The following ZNF106 variants were observed in gnomAD, a reference collection of about 807,000 sequenced individuals.
The protein encoded by ZNF106 is zinc finger protein 106.
In ZNF106, 67 loss-of-function variants were observed where a neutral mutation model predicts 195.1. The observed-to-expected ratio is 0.34, with a 90% CI of 0.28 to 0.42. The LOEUF (loss-of-function observed/expected upper bound fraction) is 0.42, where lower values mean the gene tolerates loss of function less well. Ranked by LOEUF, ZNF106 falls within the 10% of genes least tolerant of loss-of-function variation. The pLI is 1.00. For synonymous variants in ZNF106, 784 were observed against 818.6 expected, an observed-to-expected ratio of 0.96 and a Z score of 0.72; for missense variants, 2,118 against 2,304.5, an observed-to-expected ratio of 0.92 and a Z score of 1.66.
chr15:42,465,418 AC>A (rs1266536777), intron 3 of ZNF106, among the ~76,000 whole-genome samples: 2 of 152,056 alleles, frequency 1.3e-5, no homozygotes, highest in Non-Finnish European at 2.9e-5. Context: ...AGCTGGGACC[AC>A]AGGCTATTAG....
chr15:42,469,311 T>C (rs1235530507), intron 2 of ZNF106, among the ~76,000 whole-genome samples: 1 of 152,198 alleles, frequency 6.6e-6, no homozygotes, highest in Non-Finnish European at 1.5e-5. Context: ...TTCTGTTCCT[T>C]ACAACAAAAC....
intron 14 of ZNF106, among the ~76,000 whole-genome samples, chr15:42,428,587 G>A (rs952038953): frequency 1.3e-5 from 2 of 152,128 alleles, no homozygotes; most frequent in African/African-American, 4.8e-5. Context: ...CTTCAAACTG[G>A]TGCCAGGTTA....
At chr15:42,444,381 C>A in intron 8 of ZNF106, 119 bp from the exon 9 acceptor site, 1 of 710,080 alleles carries the variant, frequency 1.4e-6, no homozygotes, top group African/African-American at 1.8e-5. Flanking sequence ...CTCTGTGACC[C>A]AGCCAGCCGC....
chr15:42,486,336 T>C (rs556524208), intron 1 of ZNF106, among the ~76,000 whole-genome samples: 1 of 152,058 alleles, frequency 6.6e-6, no homozygotes, highest in East Asian at 1.9e-4. Flanking sequence ...CATAGCTCAC[T>C]GCAGCTTTGA....
intron 1 of ZNF106, among the ~76,000 whole-genome samples, chr15:42,478,126 A>C (rs2056823469): frequency 6.6e-6 from 1 of 151,842 alleles, no homozygotes; most frequent in Admixed American, 6.6e-5. Context: ...TCAGAATGTT[A>C]CATTTGTCAC....
At chr15:42,462,620 G>A (rs1391427224) in intron 3 of ZNF106, among the ~76,000 whole-genome samples, 3 of 152,064 alleles carry the variant, frequency 2.0e-5, no homozygotes, top group African/African-American at 4.8e-5. Context: ...AAATAAATAA[G>A]TACGTAAATA....
intron 9 of ZNF106, 25 bp downstream of exon 9, chr15:42,444,177 A>T: frequency 6.5e-7 from 1 of 1,535,084 alleles, no homozygotes; most frequent in Middle Eastern, 2.3e-4. Flanking sequence ...TAGAGGGCCC[A>T]ATCCATCAGA....
intron 5 of ZNF106, 123 bp from the exon 6 acceptor site, chr15:42,448,828 T>G (rs2055872399): frequency 4.3e-6 from 4 of 919,662 alleles, no homozygotes; most frequent in Non-Finnish European, 6.4e-6. Context: ...GCTCTTGCCT[T>G]CAAGGGGCTC....
intron 21 of ZNF106, 144 bp from the exon 22 acceptor site, chr15:42,417,504 CG>C: frequency 3.2e-6 from 3 of 929,872 alleles, no homozygotes; most frequent in Non-Finnish European, 1.6e-6. Context: ...TGCTAACTTA[CG>C]TGAAACCATG....
chr15:42,465,246 T>C (rs559853648), intron 3 of ZNF106, among the ~76,000 whole-genome samples: 2 of 151,430 alleles, frequency 1.3e-5, no homozygotes, highest in African/African-American at 4.8e-5. Flanking sequence ...TTTCCTTTCC[T>C]TAAACATCTC....
In ZNF106 at chr15:42,435,431, G is replaced by C. The variant is rs754884172; in HGVS notation, c.4834C>G (p.Leu1612Val). 3.1e-6 allele frequency: 5 copies of C among 1,614,168 alleles called. No individual in the cohort carries two copies. In the South Asian group the frequency reaches 5.5e-5, roughly 18 times the overall value. ...GTATGGTCACTGGACCCGGTGTAAA[G>C]GGCAGCATTCTTCCCGGAGGTCTGA... Reference protein sequence around the residue: ...VTQTSGKNAALYTGSSDHTIR... With the variant: ...VTQTSGKNAAVYTGSSDHTIR... The change falls in exon 14 of 22, where the codon CTT (leucine) becomes GTT (valine). Residue 1612 changes from leucine to valine, a missense_variant. Transcript: ENST00000564754.
chr15:42,450,110 C>T lies in ZNF106; in HGVS notation c.2162G>A (p.Ser721Asn). The T allele has an allele frequency of 6.2e-7, 1 of 1,614,204 alleles. No homozygotes were observed. Residue 721 changes from serine (S) to asparagine (N), a missense_variant, in exon 5 of 22, where the codon AGC becomes AAC. Ser to Asn is a conservative substitution (Grantham distance 46, BLOSUM62 1). Transcript: ENST00000564754. ...SYETEGFESA[S>N]LDAELQKSDI... ...ACTTTTTTGAAGCTCTGCATCCAAG[C>T]TAGCACTCTCAAAGCCTTCTGTTTC... is the stretch of plus-strand genomic sequence containing the variant.
intron 10 of ZNF106, 52 bp from the exon 11 acceptor site, chr15:42,439,865 T>G: frequency 6.8e-7 from 1 of 1,467,906 alleles, no homozygotes; most frequent in Non-Finnish European, 9.0e-7. Context: ...TTGCTGCAAT[T>G]TATCACTGAC....
intron 7 of ZNF106, 53 bp downstream of exon 7, chr15:42,446,535 CA>C: frequency 1.2e-5 from 17 of 1,466,294 alleles, no homozygotes; most frequent in South Asian, 6.1e-5. Flanking sequence ...CCGCACCCCC[CA>C]AAAAAAACCA....
Position 42,457,049 on chromosome 15 carries a change from T to G in ZNF106, c.226A>C (p.Arg76=). ...LHKDNVDAQE[R]EDDGKGEEEE... is the part of the protein sequence containing the mutation. ...TCCTCTCCTTTTCCATCATCTTCTC[T>G]TTCCTGGGCATCAACGTTATCTTTG... Residue 76 remains arginine (R), a synonymous_variant, in exon 4 of 22, where the codon AGA becomes CGA. Coordinates refer to ENST00000564754, the MANE Select transcript of ZNF106 (RefSeq NM_001366845.3). 1 of 1,611,026 alleles carries G rather than the reference T, an allele frequency of 6.2e-7. No individual in the cohort carries two copies. The highest frequency in any genetic ancestry group is 8.5e-7 in the Non-Finnish European group (1 of 1,178,292).
At chr15:42,432,894 AGT>A (rs1417769183) in intron 14 of ZNF106, among the ~76,000 whole-genome samples, 2 of 151,968 alleles carry the variant, frequency 1.3e-5, no homozygotes, top group East Asian at 3.9e-4. Flanking sequence ...CAAAAATAAA[AGT>A]GTGTCTCTTG....
intron 1 of ZNF106, among the ~76,000 whole-genome samples, chr15:42,486,410 C>G (rs1334793764): frequency 3.3e-5 from 5 of 152,100 alleles, no homozygotes; most frequent in Non-Finnish European, 4.4e-5. Context: ...CAGGTATACG[C>G]TACTATACTT....
intron 6 of ZNF106, 139 bp from the exon 7 acceptor site, chr15:42,446,797 A>C: frequency 1.3e-6 from 1 of 746,716 alleles, no homozygotes; most frequent in Non-Finnish European, 2.1e-6. Context: ...TAGAAGTCTC[A>C]CGCACGTGGT....
Position 42,450,758 on chromosome 15 carries a change from GA to G in ZNF106, c.1513del (p.Ser505ProfsTer33), listed in dbSNP as rs1198467282. 6.2e-7 allele frequency: 1 copy of G among 1,613,828 alleles called. No individual in the cohort carries two copies. The highest frequency in any genetic ancestry group is 8.5e-7 in the Non-Finnish European group (1 of 1,179,978). On this transcript the variant is annotated frameshift_variant, in exon 5 of 22. Transcript: ENST00000564754. LOFTEE classifies it high-confidence loss of function. The part of the protein sequence containing the change: ...ISKNTKTNFF[S>X]PGEHSNPSNK... Reference sequence around the variant, plus strand: ...CGAGGGATTTGAGTGTTCTCCAGGGGAAAAAAAATTTGTTTTGGTGTTTTTT... The same window carrying G: ...CGAGGGATTTGAGTGTTCTCCAGGGGAAAAAAATTTGTTTTGGTGTTTTTT...
Sources: allele counts gnomAD v4.1 joint callset (sites outside exome capture counted in the v4.1 genomes callset), GRCh38; gene constraint gnomAD v4.1.1; transcripts MANE v1.5; gene names NCBI Gene and HGNC (gene_info 2026-07-23, HGNC 2026-07-21).